Variants in ERCC8 observed in about 807,000 individuals in gnomAD.
ERCC8 encodes the protein DNA excision repair protein ERCC-8.
Under a neutral mutation model 54.9 loss-of-function variants are expected in ERCC8, and 52 were observed. The ratio of observed to expected loss-of-function variants is 0.95; its 90% CI spans 0.76 to 1.19. The LOEUF (loss-of-function observed/expected upper bound fraction) is 1.19, where lower values mean the gene tolerates loss of function less well. Among genes scored for constraint, ERCC8 ranks in the 50% most tolerant of loss-of-function variants. The pLI is 0.00. For synonymous variants in ERCC8, 146 were observed against 157.2 expected (o/e 0.93, Z 0.53); for missense variants, 514 against 466.1 (o/e 1.10, Z -0.95).
chr5:60,941,346 A>G (rs1476285796), intron 1 of ERCC8, among the ~76,000 whole-genome samples: 1 of 152,242 alleles, frequency 6.6e-6, no homozygotes, highest in East Asian at 1.9e-4. Context: ...GTGAACTTGA[A>G]GATAGATCCA....
At chr5:60,906,300 T>C (rs1250429868) in intron 4 of ERCC8, among the ~76,000 whole-genome samples, 1 of 152,050 alleles carries the variant, frequency 6.6e-6, no homozygotes, top group African/African-American at 2.4e-5. Flanking sequence ...CTTCCCAAAG[T>C]GTTGGGATTA....
chr5:60,876,112 A>G (rs1334416968), intron 11 of ERCC8, among the ~76,000 whole-genome samples: 1 of 151,338 alleles, frequency 6.6e-6, no homozygotes, highest in Non-Finnish European at 1.5e-5. Flanking sequence ...CCCACCTATG[A>G]GTGAGAACTT....
chr5:60,920,931 C>CT (rs1372881573), intron 3 of ERCC8, among the ~76,000 whole-genome samples: 3 of 151,750 alleles, frequency 2.0e-5, no homozygotes, highest in Admixed American at 6.6e-5. Context: ...ATTAACATGA[C>CT]TTTTTTTGTT....
intron 4 of ERCC8, among the ~76,000 whole-genome samples, chr5:60,913,642 A>G (rs1749340348): frequency 6.6e-6 from 1 of 151,924 alleles, no homozygotes; most frequent in Non-Finnish European, 1.5e-5. Context: ...TAACTTTTGA[A>G]TTTGTTTGCT....
intron 4 of ERCC8, among the ~76,000 whole-genome samples, chr5:60,909,278 A>AAAAAAAG (rs1749180489): frequency 8.3e-6 from 1 of 120,756 alleles, no homozygotes; most frequent in Non-Finnish European, 1.8e-5. Flanking sequence ...AAAAAAAAAA[A>AAAAAAAG]GCCACAAAGG....
In ERCC8 at chr5:60,870,432, C is replaced by T. The variant is rs1747837032; in HGVS notation, c.*4183G>A. Among the ~76,000 whole-genome samples the T allele has an allele frequency of 6.9e-6, 1 of 144,934 alleles. No individual in the cohort carries two copies. Among genetic ancestry groups the T allele is most frequent in the African/African-American group, 2.7e-5 (1 of 37,582 alleles). On this transcript the variant is annotated 3_prime_UTR_variant, in exon 12 of 12. Coordinates refer to ENST00000676185, the MANE Select transcript of ERCC8 (RefSeq NM_000082.4). Reference sequence around the variant, plus strand: ...GGCCGAGGCTGGTGGATCACTAGAGCCCAGGAGTTCAAGACCAGCCTGGCC... The same window carrying T: ...GGCCGAGGCTGGTGGATCACTAGAGTCCAGGAGTTCAAGACCAGCCTGGCC...
chr5:60,902,601 G>A (rs1748935282), intron 6 of ERCC8, 93 bp from the exon 7 acceptor site: 2 of 946,326 alleles, frequency 2.1e-6, no homozygotes, highest in Admixed American at 1.7e-5. Flanking sequence ...AAGAAAGTGA[G>A]GCCAAATATT....
At chr5:60,940,291 T>C (rs1198610705) in intron 1 of ERCC8, among the ~76,000 whole-genome samples, 1 of 152,236 alleles carries the variant, frequency 6.6e-6, no homozygotes, top group Non-Finnish European at 1.5e-5. Flanking sequence ...TGGCTATGGC[T>C]ACGCATAGTG....
chr5:60,932,892 G>A (rs1198293202), intron 1 of ERCC8, among the ~76,000 whole-genome samples: 3 of 151,950 alleles, frequency 2.0e-5, no homozygotes, highest in Non-Finnish European at 2.9e-5. Context: ...GAAGAGGGAA[G>A]GCAGAAGAGC....
At chr5:60,890,272 C>T (rs771940512) in intron 10 of ERCC8, among the ~76,000 whole-genome samples, 13 of 152,186 alleles carry the variant, frequency 8.5e-5, no homozygotes, top group South Asian at 4.2e-4. Flanking sequence ...ATTTTCCTTA[C>T]CTACAAAACA....
intron 2 of ERCC8, among the ~76,000 whole-genome samples, chr5:60,927,844 G>C (rs552332298): frequency 6.6e-6 from 1 of 152,208 alleles, no homozygotes; most frequent in African/African-American, 2.4e-5. Context: ...ACATGCTAAA[G>C]TAAGATGTTT....
At chr5:60,927,391 T>G (rs951112934) in intron 2 of ERCC8, among the ~76,000 whole-genome samples, 1 of 152,214 alleles carries the variant, frequency 6.6e-6, no homozygotes, top group Non-Finnish European at 1.5e-5. Flanking sequence ...TAATGCAAAA[T>G]ACAAGTCTTA....
intron 11 of ERCC8, among the ~76,000 whole-genome samples, chr5:60,880,076 C>T (rs1432541028): frequency 1.3e-5 from 2 of 152,182 alleles, no homozygotes; most frequent in African/African-American, 4.8e-5. Context: ...GACAAAATCT[C>T]TCAGCATTTG....
In ERCC8 at chr5:60,904,887, G is replaced by C; in HGVS notation, c.400-14C>G. 7.6e-7 allele frequency: 1 copy of C among 1,310,700 alleles called. No individual in the cohort carries two copies. Among genetic ancestry groups the C allele is most frequent in the Non-Finnish European group, 1.1e-6 (1 of 904,774 alleles). The allele number at this position is 1,310,700 out of a possible 1,614,324, so 81.2% of individuals were successfully genotyped here. Reference sequence around the variant, plus strand: ...TACATCTGCAGTCTGGTAATCAAAAGACATTTAAAAAGTATAAGGTTTAAG... The same window carrying C: ...TACATCTGCAGTCTGGTAATCAAAACACATTTAAAAAGTATAAGGTTTAAG... On this transcript the variant is annotated splice_polypyrimidine_tract_variant and intron_variant, in intron 4 of 11. Transcript: ENST00000676185.
intron 4 of ERCC8, among the ~76,000 whole-genome samples, chr5:60,916,916 T>A (rs1224718788): frequency 2.6e-5 from 4 of 152,026 alleles, no homozygotes; most frequent in Non-Finnish European, 5.9e-5. Context: ...TTTGGGGAAG[T>A]AACAATCTAG....
At chr5:60,889,804 C>A (rs1748496442) in intron 10 of ERCC8, among the ~76,000 whole-genome samples, 1 of 152,162 alleles carries the variant, frequency 6.6e-6, no homozygotes, top group Non-Finnish European at 1.5e-5. Context: ...AGGTTAGGGG[C>A]AAGTCACGTC....
At chr5:60,875,578 TC>T (rs1332671965) in intron 11 of ERCC8, among the ~76,000 whole-genome samples, 1 of 152,234 alleles carries the variant, frequency 6.6e-6, no homozygotes, top group Non-Finnish European at 1.5e-5. Context: ...CAGGTTTGCT[TC>T]TTTTTGTGCA....
chr5:60,899,161 T>G (rs1748803241), intron 8 of ERCC8, among the ~76,000 whole-genome samples: 1 of 151,942 alleles, frequency 6.6e-6, no homozygotes, highest in South Asian at 2.1e-4. Flanking sequence ...GAATTAATTC[T>G]CTATCAAAAT....
At chr5:60,904,965 AT>A in intron 4 of ERCC8, 92 bp from the exon 5 acceptor site, 1 of 636,502 alleles carries the variant, frequency 1.6e-6, no homozygotes, top group Non-Finnish European at 2.8e-6. Flanking sequence ...ATTTTTAGCT[AT>A]TTTTAAATTG....
Sources: gnomAD v4.1 joint callset for allele counts (sites outside exome capture counted in the v4.1 genomes callset) on GRCh38, gnomAD v4.1.1 for gene constraint, MANE v1.5 for transcripts, NCBI Gene and HGNC (gene_info 2026-07-23, HGNC 2026-07-21) for gene names.